MALRD1: variants seen among roughly 807,000 people sequenced by gnomAD.
MALRD1 encodes the protein MAM and LDL-receptor class A domain-containing protein 1.
Under a neutral mutation model 242.1 loss-of-function variants are expected in MALRD1, and 247 were observed. That is an observed-to-expected ratio of 1.02 (90% CI 0.92 to 1.13). The LOEUF is 1.13. Among genes scored for constraint, MALRD1 ranks in the 50% most tolerant of loss-of-function variants. MALRD1 has a pLI of 0.00. For synonymous variants in MALRD1, 995 were observed against 866.6 expected, an observed-to-expected ratio of 1.15 and a Z score of -2.60; for missense variants, 2,989 against 2,533.1, an observed-to-expected ratio of 1.18 and a Z score of -3.86.
intron 26 of MALRD1, among the ~76,000 whole-genome samples, chr10:19,381,485 G>T (rs1283904617): frequency 2.0e-5 from 3 of 151,908 alleles, no homozygotes; most frequent in African/African-American, 7.3e-5. Flanking sequence ...TCTCCTTTCA[G>T]ATATATCATG....
intron 22 of MALRD1, among the ~76,000 whole-genome samples, chr10:19,325,009 T>C (rs1043572098): frequency 1.8e-4 from 21 of 114,124 alleles, no homozygotes; most frequent in African/African-American, 6.2e-4. Context: ...GTAGTTGCTT[T>C]TTTTTTTTTT....
chr10:19,283,852 T>C (rs1015778636), intron 21 of MALRD1, among the ~76,000 whole-genome samples: 2 of 152,142 alleles, frequency 1.3e-5, no homozygotes, highest in Non-Finnish European at 2.9e-5. Context: ...AGAAATAGAG[T>C]GCCTACTGTG....
intron 18 of MALRD1, among the ~76,000 whole-genome samples, chr10:19,222,499 A>G (rs1015092372): frequency 1.4e-4 from 22 of 152,214 alleles, no homozygotes; most frequent in Admixed American, 1.4e-3. Context: ...ATACACGTGT[A>G]ATACGAAGAA....
intron 30 of MALRD1, among the ~76,000 whole-genome samples, chr10:19,493,471 T>A (rs1837577703): frequency 6.6e-6 from 1 of 152,022 alleles, no homozygotes; most frequent in Non-Finnish European, 1.5e-5. Flanking sequence ...CAAATAAAAC[T>A]TATAGTTCAC....
intron 19 of MALRD1, among the ~76,000 whole-genome samples, chr10:19,275,937 T>C (rs1341377690): frequency 6.6e-6 from 1 of 152,184 alleles, no homozygotes; most frequent in African/African-American, 2.4e-5. Context: ...TTTAAGACTT[T>C]TACTGTTCTA....
chr10:19,221,132 G>A (rs934653921), intron 18 of MALRD1, among the ~76,000 whole-genome samples: 33 of 151,936 alleles, frequency 2.2e-4, no homozygotes, highest in African/African-American at 7.7e-4. Context: ...AAAAAATGTT[G>A]TTTATAATCT....
At chr10:19,074,216 A>G (rs1451166015) in intron 2 of MALRD1, among the ~76,000 whole-genome samples, 2 of 152,054 alleles carry the variant, frequency 1.3e-5, no homozygotes, top group Non-Finnish European at 2.9e-5. Context: ...TGACAATCCT[A>G]TTTCTGCCAC....
intron 14 of MALRD1, among the ~76,000 whole-genome samples, chr10:19,202,535 T>C (rs1168921732): frequency 6.6e-6 from 1 of 152,168 alleles, no homozygotes; most frequent in Non-Finnish European, 1.5e-5. Context: ...TAAAATGCCC[T>C]TATAATTTTA....
In MALRD1 at chr10:19,664,915, C is replaced by T. The variant is rs546028528; in HGVS notation, c.6138-27367C>T. Among the ~76,000 whole-genome samples the T allele has an allele frequency of 1.2e-4, 19 of 152,072 alleles. 1 individual carries two copies. The East Asian group carries it at 3.7e-3, about 29-fold the overall frequency. ...ATCGTCAAATAATATTAATCATTCA[C>T]CTATCATCAAAAATTTAGGTTTAAA... On this transcript the variant is annotated intron_variant, in intron 36 of 39. Transcript: ENST00000454679.
rs117910682 is a variant in MALRD1, at chr10:19,145,150, G to C, written c.1412-1048G>C. On this transcript the variant is annotated intron_variant, in intron 10 of 39. Transcript: ENST00000454679. Reference sequence around the variant, plus strand: ...GCACATAATAATGAATTTCTCGAAAGCAGAAATCAAGCTCTTAGACTTTCT... The same window carrying C: ...GCACATAATAATGAATTTCTCGAAACCAGAAATCAAGCTCTTAGACTTTCT... Among the ~76,000 whole-genome samples the C allele has an allele frequency of 4.1e-3, 624 of 152,256 alleles. 3 individuals are homozygous for C. Among genetic ancestry groups the C allele is most frequent in the Admixed American group, 0.012 (186 of 15,298 alleles).
chr10:19,144,387 G>A (rs1833657456), intron 10 of MALRD1, among the ~76,000 whole-genome samples: 1 of 152,190 alleles, frequency 6.6e-6, no homozygotes, highest in Non-Finnish European at 1.5e-5. Flanking sequence ...TGTCTAACAA[G>A]CACGGCTTTC....
chr10:19,557,471 ACT>A (rs1255630302), intron 32 of MALRD1, among the ~76,000 whole-genome samples: 3 of 151,232 alleles, frequency 2.0e-5, no homozygotes, highest in African/African-American at 7.3e-5. Context: ...ACACATGTAT[ACT>A]CTGTGTCTAG....
At chr10:19,588,860 C>G (rs2131539252) in intron 33 of MALRD1, among the ~76,000 whole-genome samples, 1 of 152,260 alleles carries the variant, frequency 6.6e-6, no homozygotes, top group East Asian at 1.9e-4. Context: ...CCAGGCTGAT[C>G]TTGAACTGTT....
rs1003140353 is a variant in MALRD1, at chr10:19,280,179, A to C, written c.3212A>C (p.Asp1071Ala). ...TGCATTGAAAAAATGCAGAAATGTGATTTTAAATATGACTGCCCTGACAAA... is the reference window on the plus strand; with the variant it reads ...TGCATTGAAAAAATGCAGAAATGTGCTTTTAAATATGACTGCCCTGACAAA... ...GHCIEKMQKC[D>A]FKYDCPDKSD... Residue 1071 changes from aspartate (D) to alanine (A), a missense_variant, in exon 20 of 40, where the codon GAT (aspartate) becomes GCT (alanine). Transcript: ENST00000454679. 1 of 1,538,378 alleles carries C rather than the reference A, an allele frequency of 6.5e-7. No homozygotes were observed. Among genetic ancestry groups the C allele is most frequent in the Non-Finnish European group, 8.7e-7 (1 of 1,143,112 alleles).
At chr10:19,695,200 C>A (rs996638726) in intron 38 of MALRD1, among the ~76,000 whole-genome samples, 2 of 151,926 alleles carry the variant, frequency 1.3e-5, no homozygotes, top group African/African-American at 2.4e-5. Flanking sequence ...TGCACATGTA[C>A]CCTAGAACTT....
chr10:19,262,338 AC>A (rs2131821910), intron 19 of MALRD1, among the ~76,000 whole-genome samples: 1 of 129,604 alleles, frequency 7.7e-6, no homozygotes, highest in South Asian at 2.2e-4. Flanking sequence ...TCGTGTAGTT[AC>A]CCCTCCTCTG....
At chr10:19,233,420 T>G (rs1838167896) in intron 18 of MALRD1, among the ~76,000 whole-genome samples, 2 of 152,140 alleles carry the variant, frequency 1.3e-5, no homozygotes, top group Non-Finnish European at 2.9e-5. Flanking sequence ...GAGAATCATT[T>G]GAACCTGGGA....
chr10:19,420,484 T>A lies in MALRD1; in HGVS notation c.4846-29823T>A, dbSNP rs1054806548. On this transcript the variant is annotated intron_variant, in intron 28 of 39. Transcript: ENST00000454679. ...CAATCATGTATTTGTTTCCATGGAA[T>A]CACTATTCCCTACATCTAATATGAA... is the stretch of plus-strand genomic sequence containing the variant. Among the ~76,000 whole-genome samples the A allele has an allele frequency of 5.3e-5, 8 of 152,034 alleles. No homozygotes were observed. In the East Asian group the frequency reaches 1.4e-3, roughly 26 times the overall value.
At chr10:19,384,635 A>C (rs996333147) in intron 26 of MALRD1, among the ~76,000 whole-genome samples, 3 of 131,408 alleles carry the variant, frequency 2.3e-5, no homozygotes, top group African/African-American at 8.8e-5. Flanking sequence ...ACTATAATAT[A>C]ATATATAGTA....
Sources: gnomAD v4.1 joint callset for allele counts (sites outside exome capture counted in the v4.1 genomes callset) on GRCh38, gnomAD v4.1.1 for gene constraint, MANE v1.5 for transcripts, NCBI Gene and HGNC (gene_info 2026-07-23, HGNC 2026-07-21) for gene names.